Variants in DLGAP2 observed in about 807,000 individuals in gnomAD.
DLGAP2 encodes the protein disks large-associated protein 2.
In DLGAP2, 26 loss-of-function variants were observed where a neutral mutation model predicts 100.3. The ratio of observed to expected loss-of-function variants is 0.26; its 90% CI spans 0.19 to 0.36. The LOEUF (loss-of-function observed/expected upper bound fraction) is 0.36, where lower values mean the gene tolerates loss of function less well. Among genes scored for constraint, DLGAP2 ranks in the 10% least tolerant of loss-of-function variants. The pLI, the probability that DLGAP2 is intolerant of heterozygous loss-of-function variation, is 1.00. For synonymous variants in DLGAP2, 886 were observed against 630.1 expected, an observed-to-expected ratio of 1.41 and a Z score of -6.08; for missense variants, 1,858 against 1,453.2, an observed-to-expected ratio of 1.28 and a Z score of -4.53.
At chr8:1,487,932 C>T (rs1799271952) in intron 3 of DLGAP2, among the ~76,000 whole-genome samples, 1 of 152,220 alleles carries the variant, frequency 6.6e-6, no homozygotes, top group Non-Finnish European at 1.5e-5. Flanking sequence ...GATTATCCCT[C>T]TAAACATCTT....
chr8:797,186 C>G (rs1256851858), intron 1 of DLGAP2, among the ~76,000 whole-genome samples: 1 of 152,232 alleles, frequency 6.6e-6, no homozygotes, highest in African/African-American at 2.4e-5. Context: ...CCCGTCATCT[C>G]CGAAAGTCCT....
At chr8:1,316,101 G>C (rs1220364813) in intron 3 of DLGAP2, among the ~76,000 whole-genome samples, 1 of 134,114 alleles carries the variant, frequency 7.5e-6, no homozygotes, top group Non-Finnish European at 1.6e-5. Flanking sequence ...CTACACTCGA[G>C]ACACTCGGCA....
intron 1 of DLGAP2, among the ~76,000 whole-genome samples, chr8:834,869 T>G (rs1796843245): frequency 6.6e-6 from 1 of 152,196 alleles, no homozygotes; most frequent in African/African-American, 2.4e-5. Flanking sequence ...AAGGTTGAAA[T>G]CGTTTAAAAA....
At chr8:1,273,680 T>A (rs951212268) in intron 3 of DLGAP2, among the ~76,000 whole-genome samples, 39 of 152,186 alleles carry the variant, frequency 2.6e-4, no homozygotes, top group African/African-American at 9.2e-4. Context: ...GAATTTGAAT[T>A]TAATCCAAAT....
At chr8:1,456,308 A>G (rs1323770463) in intron 3 of DLGAP2, among the ~76,000 whole-genome samples, 1 of 152,326 alleles carries the variant, frequency 6.6e-6, no homozygotes, top group African/African-American at 2.4e-5. Flanking sequence ...CGCTTCTCCC[A>G]GGCTGCCACC....
chr8:1,241,184 TCGTTCTCTCACATGG>T lies in DLGAP2; in HGVS notation c.74-17666_74-17652del, dbSNP rs1405559179. ...TAGTTCTCTCACGTGGCGCCGTGTC[TCGTTCTCTCACATGG>T]AGCCATGTCTAATTCTCTCACATGG... On this transcript the variant is annotated intron_variant, in intron 2 of 14. Transcript: ENST00000637795. 2.5e-3 allele frequency among the ~76,000 whole-genome samples: 53 copies of T among 21,318 alleles called. 3 individuals are homozygous for T. The highest frequency in any genetic ancestry group is 2.3e-3 in the Non-Finnish European group (12 of 5,204). The allele number at this position is 21,318 out of a possible 152,430, so 14.0% of individuals were successfully genotyped here. A position where few individuals can be genotyped will look rare whatever the true frequency, so the allele number is the denominator to read the frequency against.
intron 2 of DLGAP2, among the ~76,000 whole-genome samples, chr8:983,704 G>A (rs1220753821): frequency 6.6e-6 from 1 of 152,018 alleles, no homozygotes; most frequent in African/African-American, 2.4e-5. Context: ...CTGCAGTGGT[G>A]TGATCGTGGC....
chr8:1,075,856 C>T (rs1226807391), intron 2 of DLGAP2, among the ~76,000 whole-genome samples: 1 of 151,524 alleles, frequency 6.6e-6, no homozygotes, highest in African/African-American at 2.4e-5. Context: ...TGCTGGAGCC[C>T]AGGAGTTCAA....
chr8:840,873 G>T (rs1031401653), intron 1 of DLGAP2, among the ~76,000 whole-genome samples: 1 of 152,178 alleles, frequency 6.6e-6, no homozygotes, highest in Non-Finnish European at 1.5e-5. Context: ...TTCAGCCTTG[G>T]CAGCTGGATC....
intron 2 of DLGAP2, among the ~76,000 whole-genome samples, chr8:1,108,117 G>A (rs1229858364): frequency 6.6e-6 from 1 of 152,132 alleles, no homozygotes; most frequent in Non-Finnish European, 1.5e-5. Context: ...GTGAAAGGAT[G>A]GACTGGACGC....
chr8:842,402 A>G (rs1440587298), intron 1 of DLGAP2, among the ~76,000 whole-genome samples: 2 of 152,214 alleles, frequency 1.3e-5, no homozygotes, highest in Non-Finnish European at 2.9e-5. Flanking sequence ...CTAACCTAAC[A>G]CAATGCTGTT....
chr8:1,566,395 A>T lies in DLGAP2; in HGVS notation c.1442+501A>T, dbSNP rs78649109. Among the ~76,000 whole-genome samples, 225 of 152,368 alleles carry T rather than the reference A, an allele frequency of 1.5e-3. No homozygotes were observed. In the East Asian group the frequency reaches 0.03, roughly 20 times the overall value. ...CACTTTACATATTTGCCCAAAATTT[A>T]TTATTAATAAATTTAATTTTGAAAA... On this transcript the variant is annotated intron_variant, in intron 6 of 14. Transcript: ENST00000637795.
At chr8:1,112,057 C>G (rs1266944287) in intron 2 of DLGAP2, among the ~76,000 whole-genome samples, 1 of 152,040 alleles carries the variant, frequency 6.6e-6, no homozygotes, top group Non-Finnish European at 1.5e-5. Flanking sequence ...TCTCCACAAC[C>G]TCACCAGCAT....
rs1315463950 is a variant in DLGAP2, at chr8:1,287,157, T to TGTGTGTGTGTGTGTGC, written c.106+28275_106+28276insTGTGTGTGTGTGTGCG. Among the ~76,000 whole-genome samples, 236 of 99,506 alleles carry TGTGTGTGTGTGTGTGC rather than the reference T, an allele frequency of 2.4e-3. 8 individuals are homozygous for TGTGTGTGTGTGTGTGC. Among genetic ancestry groups the TGTGTGTGTGTGTGTGC allele is most frequent in the African/African-American group, 7.1e-3 (220 of 30,872 alleles). 65.3% of individuals were successfully genotyped at this position (99,506 alleles called of 152,430 possible). ...GTGTGTGTGTGTGTGTGTGTGTGTG[T>TGTGTGTGTGTGTGTGC]GCGCGCGCGCGCGTGGTTCTGTTAG... On this transcript the variant is annotated intron_variant, in intron 3 of 14. Transcript: ENST00000637795.
Position 1,031,750 on chromosome 8 carries a change from T to C in DLGAP2, c.73+123784T>C, listed in dbSNP as rs371520455. On this transcript the variant is annotated intron_variant, in intron 2 of 14. Transcript: ENST00000637795. ...GAGCACTGATGCCGAAGTATGGAAA[T>C]AGTTTATTTAGTACATTTTTATTAA... 2.0e-5 allele frequency among the ~76,000 whole-genome samples: 3 copies of C among 152,330 alleles called. No homozygotes were observed. In the East Asian group the frequency reaches 5.8e-4, roughly 29 times the overall value.
At chr8:1,371,418 C>A (rs1802233875) in intron 3 of DLGAP2, among the ~76,000 whole-genome samples, 1 of 152,172 alleles carries the variant, frequency 6.6e-6, no homozygotes, top group African/African-American at 2.4e-5. Context: ...TTCCTGGACT[C>A]CAGGCATGGG....
chr8:1,368,840 C>G (rs1802170657), intron 3 of DLGAP2: 1 of 152,210 alleles, frequency 6.6e-6, no homozygotes, highest in Non-Finnish European at 1.5e-5. Context: ...TAGCCTGGAA[C>G]CATCTATTCC....
At chr8:1,578,897 T>A (rs1803108367) in intron 6 of DLGAP2, among the ~76,000 whole-genome samples, 1 of 152,192 alleles carries the variant, frequency 6.6e-6, no homozygotes, top group Admixed American at 6.6e-5. Context: ...CGTCTGTGGG[T>A]CAGACCCTGC....
intron 4 of DLGAP2, among the ~76,000 whole-genome samples, chr8:1,516,575 G>A (rs572545926): frequency 4.7e-5 from 7 of 150,070 alleles, no homozygotes; most frequent in East Asian, 4.0e-4. Context: ...GAGGGAGGGC[G>A]TGAATGAGTG....
Sources: allele counts gnomAD v4.1 joint callset (sites outside exome capture counted in the v4.1 genomes callset), GRCh38; gene constraint gnomAD v4.1.1; transcripts MANE v1.5; gene names NCBI Gene and HGNC (gene_info 2026-07-23, HGNC 2026-07-21).